Variants in ZNG1C observed in about 807,000 individuals in gnomAD.
The protein encoded by ZNG1C is zinc-regulated GTPase metalloprotein activator 1C.
chr9:68,269,426 A>AT, the ZNG1C span: 1 of 105,732 alleles, frequency 9.5e-6, no homozygotes, highest in Non-Finnish European at 1.9e-5. Context: ...TTTGACTTTC[A>AT]TTTTCTCTAG....
At chr9:68,288,474 T>C in the ZNG1C span, among the ~76,000 whole-genome samples, 1 of 152,060 alleles carries the variant, frequency 6.6e-6, no homozygotes, top group Admixed American at 6.5e-5. Flanking sequence ...GTTTTTTTGG[T>C]TTTTTCTGAG....
the ZNG1C span, among the ~76,000 whole-genome samples, chr9:68,281,327 G>A: frequency 7.9e-5 from 12 of 152,156 alleles, no homozygotes; most frequent in East Asian, 5.8e-4. Flanking sequence ...GCTGTAGACC[G>A]GAGCTGTTCC....
At chr9:68,260,349 GAGAAGAGTTAAATAGAATCTATTATCAGC>G in the ZNG1C span, among the ~76,000 whole-genome samples, 1 of 152,274 alleles carries the variant, frequency 6.6e-6, no homozygotes, top group African/African-American at 2.4e-5. Flanking sequence ...GTTGGGTATG[GAGAAGAGTTAAATAGAATCTATTATCAGC>G]ATGACGGAGG....
At chr9:68,297,252 G>T in the ZNG1C span, among the ~76,000 whole-genome samples, 1 of 148,816 alleles carries the variant, frequency 6.7e-6, no homozygotes, top group Non-Finnish European at 1.5e-5. Flanking sequence ...TACATTGTAT[G>T]TGTTACATAT....
the ZNG1C span, chr9:68,270,983 A>AT: frequency 3.4e-5 from 5 of 145,602 alleles, no homozygotes; most frequent in African/African-American, 5.1e-5. Flanking sequence ...GTTTTTTAAA[A>AT]TTTTTTTACC....
chr9:68,266,970 C>G, the ZNG1C span, among the ~76,000 whole-genome samples: 1 of 152,138 alleles, frequency 6.6e-6, no homozygotes, highest in Non-Finnish European at 1.5e-5. Flanking sequence ...GCTGACTGTT[C>G]TGGAGACTCC....
At chr9:68,278,319 T>G in the ZNG1C span, among the ~76,000 whole-genome samples, 4 of 149,006 alleles carry the variant, frequency 2.7e-5, no homozygotes, top group Non-Finnish European at 5.9e-5. Flanking sequence ...AGTTCTGCTC[T>G]GATTTTAGTT....
chr9:68,299,295 G>T, the ZNG1C span: 1 of 1,071,716 alleles, frequency 9.3e-7, no homozygotes, highest in African/African-American at 1.6e-5. Context: ...TAGAAAAGTG[G>T]TTAATCCAAG....
the ZNG1C span, among the ~76,000 whole-genome samples, chr9:68,291,730 C>T: frequency 1.2e-3 from 174 of 151,158 alleles, 2 homozygotes; most frequent in African/African-American, 3.6e-3. Context: ...AGCACTTTTC[C>T]GCTTTTCCTA....
At chr9:68,247,199 A>G in the ZNG1C span, among the ~76,000 whole-genome samples, 1 of 152,128 alleles carries the variant, frequency 6.6e-6, no homozygotes, top group African/African-American at 2.4e-5. Flanking sequence ...GTCTAACAGA[A>G]ACAATTTAGA....
At chr9:68,266,712 T>TG in the ZNG1C span, among the ~76,000 whole-genome samples, 8 of 124,802 alleles carry the variant, frequency 6.4e-5, no homozygotes, top group African/African-American at 2.4e-4. Flanking sequence ...TTTCTTGTTC[T>TG]GTTTTTTTTT....
the ZNG1C span, among the ~76,000 whole-genome samples, chr9:68,257,156 G>T: frequency 7.0e-6 from 1 of 142,020 alleles, no homozygotes; most frequent in Non-Finnish European, 1.5e-5. Context: ...TCCTGCCTCA[G>T]CCTCCCGAGT....
chr9:68,274,059 T>C, the ZNG1C span: 1 of 149,236 alleles, frequency 6.7e-6, no homozygotes, highest in Non-Finnish European at 1.5e-5. Flanking sequence ...ATGGCCAGGA[T>C]GGTCTTGATC....
chr9:68,296,646 T>A, the ZNG1C span, among the ~76,000 whole-genome samples: 1 of 152,158 alleles, frequency 6.6e-6, no homozygotes, highest in Admixed American at 6.6e-5. Context: ...AAGATGTGCT[T>A]TAGTATATTA....
the ZNG1C span, among the ~76,000 whole-genome samples, chr9:68,288,320 A>T: frequency 6.6e-6 from 1 of 150,544 alleles, no homozygotes; most frequent in Admixed American, 6.6e-5. Flanking sequence ...ATATTTTGGG[A>T]TAGCATGTCC....
the ZNG1C span, among the ~76,000 whole-genome samples, chr9:68,281,257 A>G: frequency 6.6e-6 from 1 of 152,260 alleles, no homozygotes; most frequent in Non-Finnish European, 1.5e-5. Flanking sequence ...AGTGAGATGA[A>G]CCCGGTACCT....
chr9:68,296,919 AATAC>A, the ZNG1C span, among the ~76,000 whole-genome samples: 1 of 152,060 alleles, frequency 6.6e-6, no homozygotes, highest in African/African-American at 2.4e-5. Flanking sequence ...GTTAATATTC[AATAC>A]ATGATGATGT....
At chr9:68,256,177 T>C in the ZNG1C span, among the ~76,000 whole-genome samples, 16 of 151,188 alleles carry the variant, frequency 1.1e-4, no homozygotes, top group Non-Finnish European at 1.5e-5. Context: ...CTCATTCTTT[T>C]AGACAGCCCT....
the ZNG1C span, among the ~76,000 whole-genome samples, chr9:68,265,153 A>G: frequency 6.0e-4 from 88 of 146,586 alleles, no homozygotes; most frequent in African/African-American, 2.0e-3. Flanking sequence ...CGGCCTCCCA[A>G]AGTGCTGGGA....
Sources: gnomAD v4.1 joint callset for allele counts (sites outside exome capture counted in the v4.1 genomes callset) on GRCh38, gnomAD v4.1.1 for gene constraint, MANE v1.5 for transcripts, NCBI Gene and HGNC (gene_info 2026-07-23, HGNC 2026-07-21) for gene names.